Variants in SPAG16 observed in about 807,000 individuals in gnomAD.
SPAG16 encodes sperm-associated antigen 16 protein.
SPAG16 carries 86 observed loss-of-function variants against 80.4 expected under a neutral mutation model. The observed-to-expected ratio is 1.07, with a 90% CI of 0.90 to 1.28. The LOEUF is 1.28. Among genes scored for constraint, SPAG16 ranks in the 50% most tolerant of loss-of-function variants. SPAG16 has a pLI of 0.00. For synonymous variants in SPAG16, 294 were observed against 265.9 expected (o/e 1.11, Z -1.03); for missense variants, 870 against 765.3 (o/e 1.14, Z -1.61).
chr2:213,983,097 A>G (rs557283524), intron 12 of SPAG16, among the ~76,000 whole-genome samples: 1 of 152,118 alleles, frequency 6.6e-6, no homozygotes, highest in South Asian at 2.1e-4. Flanking sequence ...AGTTGTTGCT[A>G]TTGAAAATTG....
chr2:214,057,238 C>T (rs1208282824), intron 13 of SPAG16, among the ~76,000 whole-genome samples: 1 of 148,962 alleles, frequency 6.7e-6, no homozygotes, highest in African/African-American at 2.5e-5. Flanking sequence ...GCTATGGCAG[C>T]TATACCTTAT....
intron 10 of SPAG16, among the ~76,000 whole-genome samples, chr2:213,801,768 A>T (rs888042845): frequency 7.9e-5 from 12 of 152,214 alleles, no homozygotes; most frequent in Admixed American, 7.2e-4. Flanking sequence ...CACTGAATTT[A>T]CGTGTCAATA....
intron 15 of SPAG16, among the ~76,000 whole-genome samples, chr2:214,340,933 T>C (rs552085033): frequency 6.6e-6 from 1 of 152,250 alleles, no homozygotes; most frequent in African/African-American, 2.4e-5. Flanking sequence ...TCATCAGGTA[T>C]AGAAAGGGAA....
intron 12 of SPAG16, among the ~76,000 whole-genome samples, chr2:213,998,275 A>G (rs2124850958): frequency 6.6e-6 from 1 of 152,310 alleles, no homozygotes; most frequent in South Asian, 2.1e-4. Context: ...TTGTACTCCC[A>G]TAATTCCCAT....
rs186954331 is a variant in SPAG16 at position 214,261,733 on chromosome 2, A to T, written c.1720+112467A>T. Among the ~76,000 whole-genome samples, 301 of 152,278 alleles carry T rather than the reference A, an allele frequency of 2.0e-3. 8 individuals carry two copies. Among genetic ancestry groups the T allele is most frequent in the Non-Finnish European group, 2.8e-4 (19 of 68,014 alleles). On this transcript the variant is annotated intron_variant, in intron 15 of 15. Coordinates refer to ENST00000331683, the MANE Select transcript of SPAG16 (RefSeq NM_024532.5). ...TTTTTTCTATCATCTTGGATATAAT[A>T]AACGAAGTGTAAATATATGTATATA...
At chr2:213,395,415 G>A (rs1045808256) in intron 9 of SPAG16, among the ~76,000 whole-genome samples, 1 of 151,978 alleles carries the variant, frequency 6.6e-6, no homozygotes, top group African/African-American at 2.4e-5. Context: ...TTGTTATATT[G>A]TATTTTTGTT....
At chr2:214,031,928 C>T (rs2048435430) in intron 13 of SPAG16, among the ~76,000 whole-genome samples, 1 of 152,158 alleles carries the variant, frequency 6.6e-6, no homozygotes, top group Admixed American at 6.5e-5. Flanking sequence ...ATCCAGTCAC[C>T]TCCCACCAGG....
intron 15 of SPAG16, among the ~76,000 whole-genome samples, chr2:214,293,924 A>T (rs1004310455): frequency 3.3e-5 from 5 of 152,220 alleles, no homozygotes; most frequent in Non-Finnish European, 7.3e-5. Context: ...TGGGACATAC[A>T]GTTGCCTCAT....
chr2:213,685,881 T>C (rs2064641123), intron 10 of SPAG16, among the ~76,000 whole-genome samples: 1 of 152,300 alleles, frequency 6.6e-6, no homozygotes, highest in Non-Finnish European at 1.5e-5. Context: ...TTTAAGCCAT[T>C]GTGTTTGCTT....
At chr2:214,304,890 T>C (rs775555360) in intron 15 of SPAG16, among the ~76,000 whole-genome samples, 5 of 152,158 alleles carry the variant, frequency 3.3e-5, no homozygotes, top group Non-Finnish European at 7.4e-5. Context: ...GGGTATATAC[T>C]CAGTAATGGG....
At chr2:214,334,746 G>A (rs1009798291) in intron 15 of SPAG16, among the ~76,000 whole-genome samples, 1 of 152,126 alleles carries the variant, frequency 6.6e-6, no homozygotes, top group African/African-American at 2.4e-5. Flanking sequence ...ATTGCTTACT[G>A]TCACTGGAAT....
At chr2:213,592,005 T>G (rs1446940611) in intron 10 of SPAG16, among the ~76,000 whole-genome samples, 1 of 152,182 alleles carries the variant, frequency 6.6e-6, no homozygotes, top group African/African-American at 2.4e-5. Context: ...CTGAGTAGGT[T>G]CAGTCGGGAG....
intron 9 of SPAG16, among the ~76,000 whole-genome samples, chr2:213,443,227 A>G (rs147711167): frequency 3.2e-4 from 48 of 152,288 alleles, no homozygotes; most frequent in Admixed American, 3.1e-3. Context: ...ATTATTGATT[A>G]TAGTCCTTAT....
At position 213,364,313 on chromosome 2, in the gene SPAG16, G is replaced by A. The variant is rs918905908; in HGVS notation, c.832+168G>A. 2.9e-5 allele frequency: 10 copies of A among 340,794 alleles called. No homozygotes were observed. In the Admixed American group the frequency reaches 3.4e-4, roughly 12 times the overall value. 21.1% of individuals were successfully genotyped at this position (340,794 alleles called of 1,614,324 possible). A position where few individuals can be genotyped will look rare whatever the true frequency, so the allele number is the denominator to read the frequency against. On this transcript the variant is annotated intron_variant, in intron 8 of 15. Transcript: ENST00000331683. ...AAGAAATATAGATATCATACTGTAT[G>A]GATTAATTATAGAGAAAAACAAGTC...
intron 10 of SPAG16, among the ~76,000 whole-genome samples, chr2:213,737,065 T>C (rs1264070385): frequency 6.6e-6 from 1 of 152,176 alleles, no homozygotes; most frequent in East Asian, 1.9e-4. Context: ...CAGCCAACAT[T>C]TTATCAGTTT....
intron 15 of SPAG16, among the ~76,000 whole-genome samples, chr2:214,382,184 C>T (rs898732563): frequency 6.6e-6 from 1 of 152,112 alleles, no homozygotes. Context: ...ATGCCAATGA[C>T]CAGAAAGATC....
intron 13 of SPAG16, among the ~76,000 whole-genome samples, chr2:214,060,245 C>T (rs1429078038): frequency 6.6e-6 from 1 of 152,094 alleles, no homozygotes; most frequent in Non-Finnish European, 1.5e-5. Flanking sequence ...CTTGCATGCA[C>T]CATATTCTAA....
At chr2:213,726,155 C>T (rs535726542) in intron 10 of SPAG16, among the ~76,000 whole-genome samples, 2 of 152,362 alleles carry the variant, frequency 1.3e-5, no homozygotes, top group African/African-American at 4.8e-5. Flanking sequence ...ATGTGGCAGT[C>T]CAGAAATGAT....
chr2:214,237,160 C>T (rs545031203), intron 15 of SPAG16, among the ~76,000 whole-genome samples: 2 of 152,204 alleles, frequency 1.3e-5, no homozygotes, highest in Admixed American at 1.3e-4. Flanking sequence ...CTTGTTCAAT[C>T]ACATTGTTAT....
Sources: gnomAD v4.1 joint callset for allele counts (sites outside exome capture counted in the v4.1 genomes callset) on GRCh38, gnomAD v4.1.1 for gene constraint, MANE v1.5 for transcripts, NCBI Gene and HGNC (gene_info 2026-07-23, HGNC 2026-07-21) for gene names.